The following NXPE2 variants were observed in gnomAD, a reference collection of about 807,000 sequenced individuals.
The protein encoded by NXPE2 is NXPE family member 2.
In NXPE2, 34 loss-of-function variants were observed where a neutral mutation model predicts 34.4. The ratio of observed to expected loss-of-function variants is 0.99; its 90% confidence interval spans 0.75 to 1.31. The LOEUF is 1.31. Among genes scored for constraint, NXPE2 ranks in the 40% most tolerant of loss-of-function variants. NXPE2 has a pLI of 0.00. For missense variants in NXPE2, 649 were observed against 672.5 expected, an observed-to-expected ratio of 0.97 and a Z score of 0.39; for synonymous variants, 235 against 231.3, an observed-to-expected ratio of 1.02 and a Z score of -0.15.
the NXPE2 span, among the ~76,000 whole-genome samples, chr11:114,613,946 G>A: frequency 0.019 from 2,941 of 151,944 alleles, 53 homozygotes; most frequent in Middle Eastern, 0.078. Flanking sequence ...TGCCTCTAGG[G>A]TAATCACTGT....
At chr11:114,630,201 G>A in the NXPE2 span, among the ~76,000 whole-genome samples, 1 of 151,712 alleles carries the variant, frequency 6.6e-6, no homozygotes, top group Admixed American at 6.6e-5. Flanking sequence ...CCAAAAAAGA[G>A]CCCTCATCGC....
At chr11:114,577,329 C>T in the NXPE2 span, among the ~76,000 whole-genome samples, 1 of 151,590 alleles carries the variant, frequency 6.6e-6, no homozygotes, top group African/African-American at 2.4e-5. Flanking sequence ...TGTTCTCACT[C>T]ATATGTGGGA....
the NXPE2 span, among the ~76,000 whole-genome samples, chr11:114,747,257 T>C: frequency 6.6e-6 from 1 of 152,164 alleles, no homozygotes; most frequent in African/African-American, 2.4e-5. Context: ...TCTGACTCCC[T>C]GGTAACACTC....
At position 114,703,903 on chromosome 11, in the gene NXPE2, G is replaced by A. The variant is rs927818327; in HGVS notation, c.867-88G>A. The A allele has an allele frequency of 2.1e-5, 19 of 922,072 alleles. No homozygotes were observed. In the African/African-American group the frequency reaches 2.8e-4, roughly 14 times the overall value. 57.1% of individuals were successfully genotyped at this position (922,072 alleles called of 1,614,324 possible). ...AAATAAGGGGGGAAAGGCATTTGGA[G>A]AAGAGAGGTTTAATCCATCTAAACC... On this transcript the variant is annotated intron_variant, in intron 3 of 5. Transcript: ENST00000389586.
chr11:114,530,787 T>C, the NXPE2 span: 1 of 1,614,250 alleles, frequency 6.2e-7, no homozygotes, highest in Admixed American at 1.7e-5. Flanking sequence ...TATGATTTCC[T>C]TTATTCTGAG....
chr11:114,488,682 C>T, the NXPE2 span, among the ~76,000 whole-genome samples: 14 of 152,092 alleles, frequency 9.2e-5, no homozygotes, highest in African/African-American at 3.1e-4. Flanking sequence ...CACAACATAC[C>T]AGAATCTCTG....
downstream of NXPE2, among the ~76,000 whole-genome samples, chr11:114,711,809 A>C (rs950838010): frequency 1.3e-5 from 2 of 152,172 alleles, no homozygotes; most frequent in African/African-American, 2.4e-5. Flanking sequence ...TTGAAAGAGA[A>C]GAACAAAGTT....
the NXPE2 span, among the ~76,000 whole-genome samples, chr11:114,514,586 A>G: frequency 6.6e-6 from 1 of 152,042 alleles, no homozygotes; most frequent in Admixed American, 6.6e-5. Context: ...ATGAGGTCTC[A>G]CTATGTTGCC....
the NXPE2 span, among the ~76,000 whole-genome samples, chr11:114,722,773 CAA>C: frequency 6.6e-6 from 1 of 152,140 alleles, no homozygotes; most frequent in Admixed American, 6.5e-5. Context: ...GATAGAATAA[CAA>C]AACGAAGGCA....
At chr11:114,679,587 A>C in intron 1 of NXPE2, 70 bp from the exon 2 acceptor site, 1 of 912,984 alleles carries the variant, frequency 1.1e-6, no homozygotes, top group Non-Finnish European at 1.6e-6. Flanking sequence ...CTGAAGAGGA[A>C]CCAAAGTGTA....
the NXPE2 span, chr11:114,530,195 C>T: frequency 1.9e-3 from 3,025 of 1,607,582 alleles, 41 homozygotes; most frequent in Admixed American, 0.011. Flanking sequence ...GGCTGTTTTC[C>T]TTGTCTGTAA....
At chr11:114,574,726 T>C in the NXPE2 span, among the ~76,000 whole-genome samples, 1 of 151,576 alleles carries the variant, frequency 6.6e-6, no homozygotes, top group African/African-American at 2.4e-5. Flanking sequence ...CACAAAAAGT[T>C]CAGGATAGAT....
chr11:114,588,998 AAG>A, the NXPE2 span, among the ~76,000 whole-genome samples: 6 of 152,078 alleles, frequency 3.9e-5, no homozygotes, highest in Non-Finnish European at 8.8e-5. Context: ...ACCCAGGAAA[AAG>A]AGAGGAAACA....
chr11:114,608,813 G>A, the NXPE2 span, among the ~76,000 whole-genome samples: 2 of 151,810 alleles, frequency 1.3e-5, no homozygotes, highest in African/African-American at 4.8e-5. Context: ...GTTGCCTCGT[G>A]GGTAAGCACT....
At chr11:114,614,563 G>A in the NXPE2 span, among the ~76,000 whole-genome samples, 1 of 150,822 alleles carries the variant, frequency 6.6e-6, no homozygotes. Context: ...ATGTTACCTT[G>A]TGGGTAACTA....
At chr11:114,464,585 A>G in the NXPE2 span, among the ~76,000 whole-genome samples, 1 of 152,334 alleles carries the variant, frequency 6.6e-6, no homozygotes, top group African/African-American at 2.4e-5. Context: ...ATCAGTTAAA[A>G]ATGAAAATTT....
At chr11:114,594,369 A>C in the NXPE2 span, among the ~76,000 whole-genome samples, 1 of 152,186 alleles carries the variant, frequency 6.6e-6, no homozygotes, top group Non-Finnish European at 1.5e-5. Flanking sequence ...AAAAATATAG[A>C]TATTCTGTTC....
At chr11:114,794,742 T>C in the NXPE2 span, among the ~76,000 whole-genome samples, 1 of 152,126 alleles carries the variant, frequency 6.6e-6, no homozygotes, top group Non-Finnish European at 1.5e-5. Context: ...TCATGGGGAA[T>C]CTTTAAATTA....
chr11:114,795,738 T>G, the NXPE2 span, among the ~76,000 whole-genome samples: 1 of 152,242 alleles, frequency 6.6e-6, no homozygotes, highest in Non-Finnish European at 1.5e-5. Context: ...CTGGCCACCA[T>G]GCACCTGTGC....
Sources: gnomAD v4.1 joint callset for allele counts (sites outside exome capture counted in the v4.1 genomes callset) on GRCh38, gnomAD v4.1.1 for gene constraint, MANE v1.5 for transcripts, NCBI Gene and HGNC (gene_info 2026-07-23, HGNC 2026-07-21) for gene names.